RAB27A: variants seen among roughly 807,000 people sequenced by gnomAD.
RAB27A encodes the protein ras-related protein Rab-27A.
In RAB27A, 17 loss-of-function variants were observed where a neutral mutation model predicts 20.8. That is an observed-to-expected ratio of 0.82 (90% CI 0.56 to 1.23). The LOEUF (loss-of-function observed/expected upper bound fraction) is 1.23. RAB27A is among the 50% of genes most tolerant of loss of function. RAB27A has a pLI of 0.00. For synonymous variants in RAB27A, 85 were observed against 92.8 expected, an observed-to-expected ratio of 0.92 and a Z score of 0.48; for missense variants, 277 against 266.7, an observed-to-expected ratio of 1.04 and a Z score of -0.27.
At chr15:55,298,080 C>T (rs1036691843) in intron 2 of RAB27A, among the ~76,000 whole-genome samples, 5 of 151,858 alleles carry the variant, frequency 3.3e-5, no homozygotes, top group Non-Finnish European at 7.4e-5. Context: ...TGGCAGGCAA[C>T]TGTAGTCACA....
At chr15:55,278,322 C>T (rs1258934817) in intron 1 of RAB27A, among the ~76,000 whole-genome samples, 1 of 152,036 alleles carries the variant, frequency 6.6e-6, no homozygotes, top group Non-Finnish European at 1.5e-5. Context: ...CTATGGGAGC[C>T]CTGGGGTATT....
At chr15:55,254,801 G>A (rs903366790) in intron 2 of RAB27A, among the ~76,000 whole-genome samples, 2 of 152,222 alleles carry the variant, frequency 1.3e-5, no homozygotes, top group Non-Finnish European at 2.9e-5. Flanking sequence ...GAACTCGGGA[G>A]CAGCCCAAAC....
At chr15:55,311,567 A>G (rs183568151) in intron 2 of RAB27A, among the ~76,000 whole-genome samples, 5 of 152,276 alleles carry the variant, frequency 3.3e-5, no homozygotes, top group African/African-American at 7.2e-5. Context: ...CACTTTTTAC[A>G]TAATTGTGAG....
chr15:55,257,272 A>G (rs1002942415), intron 2 of RAB27A, among the ~76,000 whole-genome samples: 1 of 152,190 alleles, frequency 6.6e-6, no homozygotes, highest in South Asian at 2.1e-4. Context: ...TGACCAAGAA[A>G]TGCTTGAAAA....
chr15:55,262,338 C>A (rs112602332), intron 2 of RAB27A, among the ~76,000 whole-genome samples: 1 of 151,782 alleles, frequency 6.6e-6, no homozygotes, highest in South Asian at 2.1e-4. Context: ...TCAGGAGATC[C>A]AGACCATCCT....
chr15:55,212,991 A>G (rs560663533), intron 6 of RAB27A, among the ~76,000 whole-genome samples: 1 of 152,326 alleles, frequency 6.6e-6, no homozygotes, highest in African/African-American at 2.4e-5. Flanking sequence ...TACATTTGAG[A>G]TGGTCTTTGC....
chr15:55,257,094 G>A (rs548077642), intron 2 of RAB27A, among the ~76,000 whole-genome samples: 21 of 152,282 alleles, frequency 1.4e-4, no homozygotes, highest in Admixed American at 1.2e-3. Flanking sequence ...AGCCTAGGGG[G>A]CCAGGAGGCC....
chr15:55,214,326 C>T (rs1266808216), intron 6 of RAB27A, among the ~76,000 whole-genome samples: 1 of 152,180 alleles, frequency 6.6e-6, no homozygotes, highest in Admixed American at 6.5e-5. Flanking sequence ...GTCCCAGCTA[C>T]TCGGGAGGCT....
At chr15:55,316,423 T>C (rs2055044197) in intron 1 of RAB27A, among the ~76,000 whole-genome samples, 1 of 13,006 alleles carries the variant, frequency 7.7e-5, no homozygotes. Context: ...CTGGGGCCTG[T>C]CGGGGGCGGG....
chr15:55,317,702 G>A (rs2055061126), intron 1 of RAB27A: 3 of 398,474 alleles, frequency 7.5e-6, no homozygotes, highest in East Asian at 3.6e-5. Flanking sequence ...TTGGCATACT[G>A]TTCAAATACT....
intron 6 of RAB27A, among the ~76,000 whole-genome samples, chr15:55,219,765 ACTTT>A (rs1361302376): frequency 6.6e-6 from 1 of 152,186 alleles, no homozygotes; most frequent in East Asian, 1.9e-4. Context: ...AATTTGAACA[ACTTT>A]CTGTTTTGTT....
chr15:55,228,630 G>T lies in RAB27A; in HGVS notation c.322C>A (p.Leu108Ile). 6.2e-7 allele frequency: 1 copy of T among 1,608,666 alleles called. No individual in the cohort carries two copies. The highest frequency in any genetic ancestry group is 8.5e-7 in the Non-Finnish European group (1 of 1,175,024). ...LFDLTNEQSFLNVRNWISQLQ... is the reference protein window; with the variant it reads ...LFDLTNEQSFINVRNWISQLQ... ...TTACTTATCCAGTTTCTGACATTGA[G>T]GAAACTTTGCTCATTTGTCAGATCA... Residue 108 changes from leucine to isoleucine, a missense_variant, in exon 5 of 7, where the codon CTC (leucine) becomes ATC (isoleucine). Transcript: ENST00000336787.
intron 1 of RAB27A, among the ~76,000 whole-genome samples, chr15:55,271,656 C>T (rs1897709832): frequency 6.6e-6 from 1 of 152,236 alleles, no homozygotes; most frequent in Non-Finnish European, 1.5e-5. Context: ...TTGTGACAAT[C>T]TTGAAGACAG....
intron 2 of RAB27A, among the ~76,000 whole-genome samples, chr15:55,250,644 C>A (rs970104323): frequency 6.6e-6 from 1 of 152,214 alleles, no homozygotes; most frequent in Non-Finnish European, 1.5e-5. Flanking sequence ...TGCATCACAA[C>A]ATTTTATTAC....
At chr15:55,304,853 T>C (rs981842329) in intron 2 of RAB27A, among the ~76,000 whole-genome samples, 2 of 150,512 alleles carry the variant, frequency 1.3e-5, no homozygotes, top group African/African-American at 4.9e-5. Flanking sequence ...ATATATATGG[T>C]GTGTGTGTAT....
chr15:55,288,968 G>C (rs1254198875), intron 1 of RAB27A: 4 of 152,242 alleles, frequency 2.6e-5, no homozygotes, highest in Non-Finnish European at 5.9e-5. Context: ...TAAAATGTGA[G>C]AATCCATCCA....
chr15:55,244,466 C>T (rs1172485992), intron 2 of RAB27A, among the ~76,000 whole-genome samples: 1 of 152,166 alleles, frequency 6.6e-6, no homozygotes, highest in Non-Finnish European at 1.5e-5. Context: ...CACCATACAC[C>T]ATGCCCAGCT....
chr15:55,311,678 T>C (rs1293595230), intron 2 of RAB27A, among the ~76,000 whole-genome samples: 1 of 152,244 alleles, frequency 6.6e-6, no homozygotes, highest in Non-Finnish European at 1.5e-5. Flanking sequence ...TTATAATTTA[T>C]ACTTCCCTCA....
intron 2 of RAB27A, among the ~76,000 whole-genome samples, chr15:55,256,332 T>G (rs1432342123): frequency 6.6e-6 from 1 of 152,144 alleles, no homozygotes; most frequent in Non-Finnish European, 1.5e-5. Context: ...GAGGATCACT[T>G]GAGCCCAAGA....
Sources: gnomAD v4.1 joint callset for allele counts (sites outside exome capture counted in the v4.1 genomes callset) on GRCh38, gnomAD v4.1.1 for gene constraint, MANE v1.5 for transcripts, NCBI Gene and HGNC (gene_info 2026-07-23, HGNC 2026-07-21) for gene names.